Variants in CHD6 observed in about 807,000 individuals in gnomAD.
CHD6 encodes the protein ATP-dependent chromatin remodeler CHD6.
Under a neutral mutation model 276.9 loss-of-function variants are expected in CHD6, and 50 were observed. The ratio of observed to expected loss-of-function variants is 0.18; its 90% CI spans 0.14 to 0.23. The LOEUF is 0.23. Ranked by LOEUF, CHD6 falls within the 10% of genes least tolerant of loss-of-function variation. The pLI, the probability that CHD6 is intolerant of heterozygous loss-of-function variation, is 1.00. For synonymous variants in CHD6, 1,173 were observed against 1,229.3 expected, an observed-to-expected ratio of 0.95 and a Z score of 0.96; for missense variants, 2,564 against 3,365.8, an observed-to-expected ratio of 0.76 and a Z score of 5.89.
chr20:41,459,687 T>C (rs983357786), intron 17 of CHD6, among the ~76,000 whole-genome samples: 8 of 152,242 alleles, frequency 5.3e-5, no homozygotes, highest in Non-Finnish European at 8.8e-5. Context: ...CTTTCGCCTC[T>C]TGCCATGATT....
intron 16 of CHD6, among the ~76,000 whole-genome samples, chr20:41,482,756 T>C (rs2043324157): frequency 6.6e-6 from 1 of 152,148 alleles, no homozygotes; most frequent in Admixed American, 6.6e-5. Context: ...TTTACTTGCA[T>C]GAGGAATGTA....
chr20:41,417,959 C>T (rs2047057269), intron 31 of CHD6, among the ~76,000 whole-genome samples: 1 of 152,234 alleles, frequency 6.6e-6, no homozygotes, highest in African/African-American at 2.4e-5. Flanking sequence ...GTGAATGGAT[C>T]TTCAAAGATC....
chr20:41,612,511 T>C (rs760056454), intron 1 of CHD6, among the ~76,000 whole-genome samples: 19 of 152,316 alleles, frequency 1.2e-4, no homozygotes, highest in Non-Finnish European at 2.2e-4. Context: ...ACAATAATGA[T>C]GGCTTAACTT....
intron 3 of CHD6, among the ~76,000 whole-genome samples, chr20:41,521,609 G>A (rs770108005): frequency 6.6e-6 from 1 of 152,076 alleles, no homozygotes; most frequent in South Asian, 2.1e-4. Flanking sequence ...GTGCGCGTTT[G>A]TATGTATTTT....
At position 41,433,812 on chromosome 20, in the gene CHD6, G is replaced by C. The variant is rs182857464; in HGVS notation, c.4068+3462C>G. 3.5e-4 allele frequency among the ~76,000 whole-genome samples: 54 copies of C among 152,194 alleles called. No homozygotes were observed. In the East Asian group the frequency reaches 0.01, roughly 29 times the overall value. On this transcript the variant is annotated intron_variant, in intron 27 of 36. Transcript: ENST00000373233. Reference sequence around the variant, plus strand: ...GGTTAAGACAACTATATTATAAATGGAAGAGGGTAAAGGAACAAAAATGGA... The same window carrying C: ...GGTTAAGACAACTATATTATAAATGCAAGAGGGTAAAGGAACAAAAATGGA...
At chr20:41,590,219 T>A (rs544144942) in intron 1 of CHD6, among the ~76,000 whole-genome samples, 2 of 152,282 alleles carry the variant, frequency 1.3e-5, no homozygotes, top group Non-Finnish European at 2.9e-5. Flanking sequence ...GAATTCAAGA[T>A]GGATTAAAGA....
At chr20:41,519,484 A>G (rs185457267) in intron 3 of CHD6, among the ~76,000 whole-genome samples, 30 of 152,342 alleles carry the variant, frequency 2.0e-4, no homozygotes, top group African/African-American at 7.2e-4. Context: ...CTACCTATCT[A>G]AACATAAATG....
At chr20:41,430,006 T>A (rs985343976) in intron 27 of CHD6, among the ~76,000 whole-genome samples, 6 of 152,216 alleles carry the variant, frequency 3.9e-5, no homozygotes, top group Non-Finnish European at 5.9e-5. Context: ...TTGGGCTTCT[T>A]TAACTCTGCC....
At chr20:41,605,772 T>C (rs958819743) in intron 1 of CHD6, among the ~76,000 whole-genome samples, 3 of 136,586 alleles carry the variant, frequency 2.2e-5, no homozygotes, top group African/African-American at 9.0e-5. Flanking sequence ...ATTGACAAAA[T>C]TTCATCTCTA....
intron 1 of CHD6, among the ~76,000 whole-genome samples, chr20:41,617,570 C>T (rs1349050926): frequency 6.6e-6 from 1 of 152,202 alleles, no homozygotes; most frequent in African/African-American, 2.4e-5. Flanking sequence ...GCAACGGACT[C>T]CGTTACTTCT....
chr20:41,454,683 G>C lies in CHD6; in HGVS notation c.3063C>G (p.Asn1021Lys). ...CTATTTTAGCCCATTTCTGCCAAAA[G>C]TTAGGATCATCTAAGGAAATATCTG... Reference protein sequence around the residue: ...NRTDISLDDPNFWQKWAKIAE... With the variant: ...NRTDISLDDPKFWQKWAKIAE... Residue 1021 changes from asparagine to lysine, a missense_variant, in exon 20 of 37, where the codon AAC becomes AAG. Around this residue, in one of 7 missense-constraint regions of CHD6, gnomAD observed 19 missense variants for 74.7 expected, o/e 0.25. Transcript: ENST00000373233. 6.2e-7 allele frequency: 1 copy of C among 1,613,954 alleles called. No homozygotes were observed. The highest frequency in any genetic ancestry group is 8.5e-7 in the Non-Finnish European group (1 of 1,179,934).
chr20:41,574,636 T>C (rs2045453939), intron 1 of CHD6, among the ~76,000 whole-genome samples: 2 of 152,124 alleles, frequency 1.3e-5, no homozygotes, highest in South Asian at 4.1e-4. Flanking sequence ...CAGCTATCAG[T>C]GAGTCTAAAG....
intron 1 of CHD6, among the ~76,000 whole-genome samples, chr20:41,567,010 T>C (rs975322903): frequency 5.9e-5 from 9 of 152,292 alleles, no homozygotes; most frequent in African/African-American, 1.4e-4. Flanking sequence ...AGTTCCATTA[T>C]ATGGTGAAGG....
In CHD6 at chr20:41,483,483, G is replaced by C. The variant is rs1334061414; in HGVS notation, c.2294C>G (p.Thr765Ser). ...EEKILEDFRK[T>S]HSPDAPDFQL... ...AAAGTCAGGGGCATCAGGGCTGTGGGTTTTTCGGAAATCTTCTAGAATTTT... is the reference window on the plus strand; with the variant it reads ...AAAGTCAGGGGCATCAGGGCTGTGGCTTTTTCGGAAATCTTCTAGAATTTT... The change falls in exon 16 of 37, where the codon ACC becomes AGC. Residue 765 changes from threonine (T) to serine (S), a missense_variant. Thr to Ser is a moderately conservative substitution (Grantham distance 58). Coordinates refer to ENST00000373233, the MANE Select transcript of CHD6 (RefSeq NM_032221.5). 4 of 1,612,938 alleles carry C rather than the reference G, an allele frequency of 2.5e-6. No homozygotes were observed. The Admixed American group carries it at 5.0e-5, about 20-fold the overall frequency.
intron 1 of CHD6, among the ~76,000 whole-genome samples, chr20:41,601,091 T>C (rs778917180): frequency 6.6e-6 from 1 of 152,240 alleles, no homozygotes; most frequent in Non-Finnish European, 1.5e-5. Flanking sequence ...GTTACCTGCC[T>C]GACAAACTCC....
chr20:41,420,805 C>G lies in CHD6; in HGVS notation c.5830G>C (p.Glu1944Gln). 6.2e-7 allele frequency: 1 copy of G among 1,614,194 alleles called. No homozygotes were observed. Among genetic ancestry groups the G allele is most frequent in the Non-Finnish European group, 8.5e-7 (1 of 1,180,040 alleles). ...AACQCHCKHM[E>Q]RWMHGLENDE... The stretch of plus-strand genomic sequence containing the variant: ...TTCTCGAGGCCATGCATCCACCTCT[C>G]CATGTGTTTGCAGTGGCACTGACAG... The change falls in exon 31 of 37, where the codon GAG (glutamate) becomes CAG (glutamine). Residue 1944 changes from glutamate to glutamine, a missense_variant. Coordinates refer to ENST00000373233, the MANE Select transcript of CHD6 (RefSeq NM_032221.5).
intron 1 of CHD6, among the ~76,000 whole-genome samples, chr20:41,551,967 C>T (rs1414924549): frequency 6.6e-6 from 1 of 152,134 alleles, no homozygotes; most frequent in Non-Finnish European, 1.5e-5. Flanking sequence ...CCCCCATCCC[C>T]ACTGCAACCA....
At chr20:41,496,472 T>C (rs957532183) in intron 8 of CHD6, among the ~76,000 whole-genome samples, 7 of 152,178 alleles carry the variant, frequency 4.6e-5, no homozygotes, top group African/African-American at 1.7e-4. Context: ...GGAGCCTGAG[T>C]TTCCTCCACG....
At chr20:41,596,511 T>A (rs1159100688) in intron 1 of CHD6, among the ~76,000 whole-genome samples, 1 of 151,440 alleles carries the variant, frequency 6.6e-6, no homozygotes, top group African/African-American at 2.4e-5. Flanking sequence ...AGCACAAACA[T>A]CCTCCCGGTC....
Sources: allele counts gnomAD v4.1 joint callset (sites outside exome capture counted in the v4.1 genomes callset), GRCh38; gene constraint gnomAD v4.1.1; regional missense constraint gnomAD v4.1.1; transcripts MANE v1.5; gene names NCBI Gene and HGNC (gene_info 2026-07-23, HGNC 2026-07-21).